Variants in RFT1 observed in about 807,000 individuals in gnomAD.
RFT1 encodes RFT1 glycolipid translocator homolog.
A neutral mutation model predicts 62.2 loss-of-function variants in RFT1; 43 were observed. The observed-to-expected ratio is 0.69, with a 90% CI of 0.54 to 0.89. The LOEUF (loss-of-function observed/expected upper bound fraction) is 0.89. RFT1 is among the 40% of genes least tolerant of loss of function. The probability of loss-of-function intolerance (pLI) is 0.00; values close to 1 mark genes in which losing one functional copy is unlikely to be tolerated. For missense variants in RFT1, 605 were observed against 649.9 expected, an observed-to-expected ratio of 0.93 and a Z score of 0.75; for synonymous variants, 262 against 264.6, an observed-to-expected ratio of 0.99 and a Z score of 0.10.
At chr3:53,082,002 G>A in the RFT1 span, among the ~76,000 whole-genome samples, 1 of 152,130 alleles carries the variant, frequency 6.6e-6, no homozygotes, top group East Asian at 1.9e-4. Flanking sequence ...GGAGTGCAGC[G>A]GTGTGATCAT....
At chr3:53,075,046 G>A in the RFT1 span, among the ~76,000 whole-genome samples, 11 of 152,114 alleles carry the variant, frequency 7.2e-5, no homozygotes, top group Non-Finnish European at 1.6e-4. Flanking sequence ...CTGAGCAGGG[G>A]TAGTGAGAAC....
chr3:53,067,297 C>G, the RFT1 span, among the ~76,000 whole-genome samples: 1 of 152,142 alleles, frequency 6.6e-6, no homozygotes, highest in Non-Finnish European at 1.5e-5. Context: ...TGCAGCGAGC[C>G]GTGATGGCGC....
At chr3:53,070,079 G>C in the RFT1 span, among the ~76,000 whole-genome samples, 1 of 152,118 alleles carries the variant, frequency 6.6e-6, no homozygotes, top group African/African-American at 2.4e-5. Context: ...TCTCCCACCT[G>C]CCCCCATCCC....
intron 10 of RFT1, among the ~76,000 whole-genome samples, chr3:53,101,976 G>A (rs1213923009): frequency 1.3e-5 from 2 of 151,836 alleles, no homozygotes; most frequent in Admixed American, 6.6e-5. Flanking sequence ...GGTGGAGGCT[G>A]CAGTGAGCCG....
At chr3:53,087,245 T>A (rs1330432370), downstream of RFT1, among the ~76,000 whole-genome samples, 3 of 152,042 alleles carry the variant, frequency 2.0e-5, no homozygotes, top group Non-Finnish European at 4.4e-5. Flanking sequence ...AAAAAATAAA[T>A]AAAATATGTG....
At chr3:53,075,394 T>C in the RFT1 span, among the ~76,000 whole-genome samples, 20 of 152,310 alleles carry the variant, frequency 1.3e-4, no homozygotes, top group Admixed American at 7.2e-4. Flanking sequence ...ATGCGGCCTG[T>C]ACCCTCTCCC....
chr3:53,106,456 T>C (rs575504078), intron 8 of RFT1, among the ~76,000 whole-genome samples: 1 of 152,250 alleles, frequency 6.6e-6, no homozygotes, highest in Admixed American at 6.5e-5. Flanking sequence ...TTCAGTTACT[T>C]TGGGATTACA....
the RFT1 span, among the ~76,000 whole-genome samples, chr3:53,072,026 CAT>C: frequency 6.6e-6 from 1 of 152,218 alleles, no homozygotes; most frequent in African/African-American, 2.4e-5. Flanking sequence ...GGGTTCCTCA[CAT>C]AGTTCCTCTG....
rs2107164822 is a variant in RFT1 at position 53,122,491 on chromosome 3, A to G, written c.339T>C (p.Pro113=). The G allele has an allele frequency of 6.2e-7, 1 of 1,614,116 alleles. No individual in the cohort carries two copies. Among genetic ancestry groups the G allele is most frequent in the East Asian group, 2.2e-5 (1 of 44,894 alleles). Residue 113 remains proline (P), a synonymous_variant, in exon 4 of 13, where the codon CCT becomes CCC. Transcript: ENST00000296292. ...IWLQLLEVPD[P]NVVPHYATGV... is the part of the protein sequence containing the mutation. ...CAGTTGCATAGTGAGGGACAACATTAGGATCAGGCACTTCAAGCAGCTGCA... is the reference window on the plus strand; with the variant it reads ...CAGTTGCATAGTGAGGGACAACATTGGGATCAGGCACTTCAAGCAGCTGCA...
intron 2 of RFT1, among the ~76,000 whole-genome samples, chr3:53,125,304 T>G (rs1480221417): frequency 6.6e-6 from 1 of 152,220 alleles, no homozygotes; most frequent in African/African-American, 2.4e-5. Context: ...TTCATATACT[T>G]TGTGTCATTT....
chr3:53,074,407 T>G, the RFT1 span, among the ~76,000 whole-genome samples: 26 of 151,568 alleles, frequency 1.7e-4, no homozygotes, highest in South Asian at 3.4e-3. Context: ...ACCACAGAGA[T>G]GGATGTGCCA....
chr3:53,095,868 C>T (rs1473365988), intron 11 of RFT1, among the ~76,000 whole-genome samples: 1 of 152,148 alleles, frequency 6.6e-6, no homozygotes, highest in Non-Finnish European at 1.5e-5. Context: ...GCACTGATAT[C>T]TTATGTGCCA....
the RFT1 span, among the ~76,000 whole-genome samples, chr3:53,075,605 A>G: frequency 6.6e-6 from 1 of 152,034 alleles, no homozygotes; most frequent in Non-Finnish European, 1.5e-5. Context: ...AGAGCTCTTG[A>G]CTCAGGAGGC....
At position 53,105,679 on chromosome 3, in the gene RFT1, C is replaced by T. The variant is rs1701449640; in HGVS notation, c.951G>A (p.Gln317=). The change falls in exon 9 of 13, where the codon CAG becomes CAA. Residue 317 remains glutamine (Q), a synonymous_variant. Coordinates refer to ENST00000296292, the MANE Select transcript of RFT1 (RefSeq NM_052859.4). The stretch of plus-strand genomic sequence containing the variant: ...ACATAAGAACCAACATTACCTGCTT[C>T]TGAAGTGTGGCATCCTTTCCCCTCT... The part of the protein sequence containing the change: ...VLERGKDATL[Q]KQEDVAVAAA... 6.2e-7 allele frequency: 1 copy of T among 1,613,614 alleles called. No individual in the cohort carries two copies.
At chr3:53,109,954 A>G (rs1244526225) in intron 7 of RFT1, among the ~76,000 whole-genome samples, 1 of 152,192 alleles carries the variant, frequency 6.6e-6, no homozygotes, top group East Asian at 1.9e-4. Context: ...GGAGGCCCTG[A>G]GAAGTTCCTA....
chr3:53,078,404 A>G, the RFT1 span, among the ~76,000 whole-genome samples: 1 of 152,210 alleles, frequency 6.6e-6, no homozygotes, highest in Non-Finnish European at 1.5e-5. Flanking sequence ...TAAAATACAT[A>G]ATATCAGGAG....
At chr3:53,077,371 C>T in the RFT1 span, among the ~76,000 whole-genome samples, 1 of 152,214 alleles carries the variant, frequency 6.6e-6, no homozygotes, top group Admixed American at 6.5e-5. Context: ...CAAAGACCTT[C>T]CCCAAGCACC....
intron 11 of RFT1, among the ~76,000 whole-genome samples, chr3:53,094,080 G>A (rs1213106685): frequency 6.6e-6 from 1 of 152,146 alleles, no homozygotes; most frequent in Non-Finnish European, 1.5e-5. Flanking sequence ...TTCTGCAGGT[G>A]TGGGAGGAGG....
chr3:53,123,735 C>T lies in RFT1; in HGVS notation c.255G>A (p.Leu85=). The T allele has an allele frequency of 6.2e-7, 1 of 1,613,604 alleles. No homozygotes were observed. The highest frequency in any genetic ancestry group is 8.5e-7 in the Non-Finnish European group (1 of 1,179,508). ...AAAGCACAACTCACGTTAGCCACAG[C>T]AGGTTGAGGGTCTGGCTCCAGTCTC... ...TQRDWSQTLN[L]LWLTVPLGVF... is the part of the protein sequence containing the mutation. Residue 85 remains leucine (L), a synonymous_variant, in exon 3 of 13, where the codon CTG becomes CTA. Transcript: ENST00000296292.
Sources: gnomAD v4.1 joint callset for allele counts (sites outside exome capture counted in the v4.1 genomes callset) on GRCh38, gnomAD v4.1.1 for gene constraint, MANE v1.5 for transcripts, NCBI Gene and HGNC (gene_info 2026-07-23, HGNC 2026-07-21) for gene names.